CNTN5: variants seen among roughly 807,000 people sequenced by gnomAD.
The protein encoded by CNTN5 is contactin 5.
A neutral mutation model predicts 129.1 loss-of-function variants in CNTN5; 77 were observed. The observed-to-expected ratio is 0.60, with a 90% confidence interval of 0.50 to 0.72. CNTN5 has a LOEUF of 0.72. Among genes scored for constraint, CNTN5 ranks in the 30% least tolerant of loss-of-function variants. The pLI is 0.00. For synonymous variants in CNTN5, 509 were observed against 465.6 expected, an observed-to-expected ratio of 1.09 and a Z score of -1.20; for missense variants, 1,478 against 1,328.8, an observed-to-expected ratio of 1.11 and a Z score of -1.75.
intron 3 of CNTN5, among the ~76,000 whole-genome samples, chr11:99,676,740 AAGTT>A (rs1477238053): frequency 6.6e-6 from 1 of 152,128 alleles, no homozygotes; most frequent in African/African-American, 2.4e-5. Flanking sequence ...AAAAATTAGT[AAGTT>A]CTTTAACTTG....
At chr11:100,064,934 A>G (rs541959984) in intron 10 of CNTN5, among the ~76,000 whole-genome samples, 1 of 152,146 alleles carries the variant, frequency 6.6e-6, no homozygotes, top group African/African-American at 2.4e-5. Context: ...TATTTTATGT[A>G]CACAAAAATC....
chr11:99,735,100 C>T (rs1228637915), intron 3 of CNTN5, among the ~76,000 whole-genome samples: 1 of 152,138 alleles, frequency 6.6e-6, no homozygotes, highest in Non-Finnish European at 1.5e-5. Flanking sequence ...TTATTTTTTT[C>T]TACATGTATT....
At chr11:99,557,880 T>C (rs1213361200) in intron 3 of CNTN5, among the ~76,000 whole-genome samples, 1 of 151,758 alleles carries the variant, frequency 6.6e-6, no homozygotes, top group Admixed American at 6.6e-5. Context: ...CTCATCTAAA[T>C]GCTTTTACAA....
chr11:99,972,565 T>C (rs1951293146), intron 8 of CNTN5, among the ~76,000 whole-genome samples: 1 of 151,680 alleles, frequency 6.6e-6, no homozygotes, highest in Non-Finnish European at 1.5e-5. Flanking sequence ...TTGTCAGGTC[T>C]TCCCAGAACC....
chr11:99,634,055 A>G (rs1307282523), intron 3 of CNTN5, among the ~76,000 whole-genome samples: 1 of 152,142 alleles, frequency 6.6e-6, no homozygotes, highest in Non-Finnish European at 1.5e-5. Context: ...TAAGGAAGAG[A>G]TCCTCGGGTT....
chr11:99,184,042 T>C (rs1245354196), intron 1 of CNTN5, among the ~76,000 whole-genome samples: 1 of 152,072 alleles, frequency 6.6e-6, no homozygotes, highest in Non-Finnish European at 1.5e-5. Flanking sequence ...TCTCATTGCC[T>C]CCACTCTGGC....
At chr11:99,706,323 A>C (rs1034103780) in intron 3 of CNTN5, among the ~76,000 whole-genome samples, 1 of 151,504 alleles carries the variant, frequency 6.6e-6, no homozygotes, top group African/African-American at 2.4e-5. Context: ...CATGTAAGCA[A>C]TTAATTTTAT....
intron 2 of CNTN5, among the ~76,000 whole-genome samples, chr11:99,369,616 C>T (rs1042890352): frequency 2.0e-5 from 3 of 151,880 alleles, no homozygotes; most frequent in Non-Finnish European, 4.4e-5. Context: ...TCTCAAAATA[C>T]AGTTGAAACA....
At chr11:100,122,335 C>A (rs1044812239) in intron 13 of CNTN5, among the ~76,000 whole-genome samples, 7 of 151,882 alleles carry the variant, frequency 4.6e-5, no homozygotes, top group African/African-American at 1.5e-4. Flanking sequence ...AGAGAGAGGC[C>A]AATTCCTCTT....
intron 13 of CNTN5, among the ~76,000 whole-genome samples, chr11:100,181,683 G>A (rs1440202930): frequency 6.6e-6 from 1 of 151,950 alleles, no homozygotes; most frequent in Non-Finnish European, 1.5e-5. Context: ...ACTGAGGAAA[G>A]CATAGAAGGA....
intron 2 of CNTN5, among the ~76,000 whole-genome samples, chr11:99,555,558 C>T (rs1948636352): frequency 6.6e-6 from 1 of 151,864 alleles, no homozygotes; most frequent in African/African-American, 2.4e-5. Context: ...CCCTTACGTT[C>T]CAGCCAGCAA....
intron 3 of CNTN5, among the ~76,000 whole-genome samples, chr11:99,619,026 G>A (rs1445958175): frequency 6.6e-6 from 1 of 151,872 alleles, no homozygotes; most frequent in Non-Finnish European, 1.5e-5. Flanking sequence ...TAAAATAATA[G>A]ACATTTCAAT....
At chr11:99,374,915 C>G (rs1410371944) in intron 2 of CNTN5, among the ~76,000 whole-genome samples, 1 of 152,126 alleles carries the variant, frequency 6.6e-6, no homozygotes, top group East Asian at 1.9e-4. Flanking sequence ...GGAACATCCA[C>G]GATACTAGCA....
At chr11:99,751,737 A>G (rs762437279) in intron 3 of CNTN5, among the ~76,000 whole-genome samples, 1 of 152,198 alleles carries the variant, frequency 6.6e-6, no homozygotes, top group Non-Finnish European at 1.5e-5. Context: ...TTCAGTTGTC[A>G]TAGGCTATAG....
In CNTN5 at chr11:99,277,832, G is replaced by C. The variant is rs115723608; in HGVS notation, c.-209-47514G>C. 6.3e-3 allele frequency among the ~76,000 whole-genome samples: 954 copies of C among 151,744 alleles called. 8 individuals are homozygous for C. The highest frequency in any genetic ancestry group is 0.02 in the African/African-American group (842 of 41,500). ...AACTACGATAGATAAAAAGCGAAAA[G>C]TTGACTAGTGTCTTCTACAGAAGTA... On this transcript the variant is annotated intron_variant, in intron 1 of 24. Transcript: ENST00000524871.
rs541632701 is a variant in CNTN5 at position 99,693,531 on chromosome 11, C to T, written c.56-126013C>T. Among the ~76,000 whole-genome samples, 110 of 151,886 alleles carry T rather than the reference C, an allele frequency of 7.2e-4. 1 individual carries two copies. Among genetic ancestry groups the T allele is most frequent in the African/African-American group, 2.6e-3 (106 of 41,442 alleles). On this transcript the variant is annotated intron_variant, in intron 3 of 24. Transcript: ENST00000524871. ...GAAATGAGGCATGACAAGCAGAGGG[C>T]ACACAGGCCCAGTGGACCGTGAAAC...
intron 9 of CNTN5, among the ~76,000 whole-genome samples, chr11:100,037,374 A>AT (rs1942081918): frequency 6.6e-6 from 1 of 151,856 alleles, no homozygotes; most frequent in South Asian, 2.1e-4. Flanking sequence ...GTTTGCCAGT[A>AT]TTTTATTGAG....
intron 4 of CNTN5, among the ~76,000 whole-genome samples, chr11:99,833,370 G>A (rs1371831041): frequency 6.6e-6 from 1 of 152,092 alleles, no homozygotes; most frequent in Non-Finnish European, 1.5e-5. Context: ...TTATGATGGT[G>A]TGAAAGTGAT....
At chr11:99,526,791 T>C (rs936008487) in intron 2 of CNTN5, among the ~76,000 whole-genome samples, 2 of 152,232 alleles carry the variant, frequency 1.3e-5, no homozygotes, top group Non-Finnish European at 2.9e-5. Flanking sequence ...TTGTTTTCAT[T>C]TGAGAGTGAA....
Sources: allele counts gnomAD v4.1 joint callset (sites outside exome capture counted in the v4.1 genomes callset), GRCh38; gene constraint gnomAD v4.1.1; transcripts MANE v1.5; gene names NCBI Gene and HGNC (gene_info 2026-07-23, HGNC 2026-07-21).